GNG11: variants seen among roughly 807,000 people sequenced by gnomAD.
GNG11 encodes G protein subunit gamma 11.
GNG11 carries 6 observed loss-of-function variants against 7.4 expected under a neutral mutation model. The ratio of observed to expected loss-of-function variants is 0.81; its 90% CI spans 0.44 to 1.60. The LOEUF (loss-of-function observed/expected upper bound fraction) is 1.60, where lower values mean the gene tolerates loss of function less well. Ranked by LOEUF, GNG11 falls within the 40% of genes most tolerant of loss-of-function variation. The pLI, the probability that GNG11 is intolerant of heterozygous loss-of-function variation, is 0.01. For missense variants in GNG11, 65 were observed against 83.0 expected, an observed-to-expected ratio of 0.78 and a Z score of 0.84; for synonymous variants, 31 against 25.9, an observed-to-expected ratio of 1.20 and a Z score of -0.60.
intron 1 of GNG11, among the ~76,000 whole-genome samples, chr7:93,924,935 C>T (rs1044990723): frequency 3.3e-5 from 5 of 152,160 alleles, no homozygotes; most frequent in African/African-American, 9.7e-5. Context: ...GAGGCCAAGG[C>T]GGGCGGATCA....
chr7:93,922,630 T>C (rs1794631577), intron 1 of GNG11, among the ~76,000 whole-genome samples: 1 of 152,210 alleles, frequency 6.6e-6, no homozygotes, highest in Non-Finnish European at 1.5e-5. Context: ...AAAACCGTAT[T>C]TTAAAGTCTT....
Position 93,922,181 on chromosome 7 carries a change from T to A in GNG11, c.44T>A (p.Leu15Gln). 6.3e-7 allele frequency: 1 copy of A among 1,597,820 alleles called. No homozygotes were observed. Among genetic ancestry groups the A allele is most frequent in the Non-Finnish European group, 8.6e-7 (1 of 1,169,074 alleles). The change falls in exon 1 of 2, where the codon CTG becomes CAG. Residue 15 changes from leucine to glutamine, a missense_variant. Coordinates refer to ENST00000248564, the MANE Select transcript of GNG11 (RefSeq NM_004126.4). ...GAAGATTTGCCAGAGAAGGAAAAAC[T>A]GAAAATGGAAGTTGAGCAGCTTCGC... is the stretch of plus-strand genomic sequence containing the variant. ...HIEDLPEKEKLKMEVEQLRKE... is the reference protein window; with the variant it reads ...HIEDLPEKEKQKMEVEQLRKE...
At chr7:93,924,674 C>G (rs1180526721) in intron 1 of GNG11, among the ~76,000 whole-genome samples, 1 of 152,096 alleles carries the variant, frequency 6.6e-6, no homozygotes, top group African/African-American at 2.4e-5. Flanking sequence ...TTTATAATTT[C>G]CAGTTTATGT....
chr7:93,926,458 C>A lies in GNG11; in HGVS notation c.*242C>A. On this transcript the variant is annotated 3_prime_UTR_variant, in exon 2 of 2. Transcript: ENST00000248564. The stretch of plus-strand genomic sequence containing the variant: ...TATGGAAATAAGAACATTACTTGAG[C>A]ATGACACTTCTTTCAGTATATTGCT... The A allele has an allele frequency of 3.8e-6, 1 of 265,988 alleles. No individual in the cohort carries two copies. The allele number at this position is 265,988 out of a possible 1,614,324, so 16.5% of individuals were successfully genotyped here. A position where few individuals can be genotyped will look rare whatever the true frequency, so the allele number is the denominator to read the frequency against.
At chr7:93,925,182 A>T (rs1297121181) in intron 1 of GNG11, among the ~76,000 whole-genome samples, 1 of 152,166 alleles carries the variant, frequency 6.6e-6, no homozygotes, top group East Asian at 1.9e-4. Flanking sequence ...ATAAATAATT[A>T]AATTAAATTA....
At chr7:93,924,890 C>T (rs560952791) in intron 1 of GNG11, among the ~76,000 whole-genome samples, 18 of 152,298 alleles carry the variant, frequency 1.2e-4, no homozygotes, top group African/African-American at 3.1e-4. Flanking sequence ...TGCGGCCTGG[C>T]GCGGTGTCCC....
At chr7:93,926,052 C>T in intron 1 of GNG11, 39 bp from the exon 2 acceptor site, 2 of 1,337,026 alleles carry the variant, frequency 1.5e-6, no homozygotes, top group Non-Finnish European at 2.0e-6. Context: ...GTTTAAACAA[C>T]CCTAACCTAA....
intron 1 of GNG11, among the ~76,000 whole-genome samples, chr7:93,924,858 G>A (rs1026199007): frequency 2.6e-5 from 4 of 152,152 alleles, no homozygotes; most frequent in Non-Finnish European, 5.9e-5. Context: ...AGTTTTCATA[G>A]GTCTCCATTT....
Position 93,922,113 on chromosome 7 carries a change from G to T in GNG11, c.-25G>T. 1 of 1,504,278 alleles carries T rather than the reference G, an allele frequency of 6.6e-7. No individual in the cohort carries two copies. Among genetic ancestry groups the T allele is most frequent in the Non-Finnish European group, 9.1e-7 (1 of 1,093,394 alleles). 93.2% of individuals were successfully genotyped at this position (1,504,278 alleles called of 1,614,324 possible). On this transcript the variant is annotated 5_prime_UTR_variant, in exon 1 of 2. Transcript: ENST00000248564. ...TCCAGCGGCTCCGCTGCCAGAGCTA[G>T]CCCGAGCCCGGTTCTGGGGCGAAAA... is the stretch of plus-strand genomic sequence containing the variant.
Position 93,928,205 on chromosome 7 carries a change from A to C in GNG11, c.*1989A>C, listed in dbSNP as rs1050583387. On this transcript the variant is annotated 3_prime_UTR_variant, in exon 2 of 2. Transcript: ENST00000248564. ...CTGATTTCTATTAGCACATTCAGCT[A>C]TCCATTTGTGTACACTCCCAAGTCC... The C allele has an allele frequency of 1.3e-5, 2 of 152,158 alleles. No homozygotes were observed. The highest frequency in any genetic ancestry group is 2.9e-5 in the Non-Finnish European group (2 of 68,036). The allele number at this position is 152,158 out of a possible 1,614,324, so 9.4% of individuals were successfully genotyped here.
intron 1 of GNG11, among the ~76,000 whole-genome samples, chr7:93,923,189 A>G (rs7785521): frequency 0.029 from 4,384 of 152,352 alleles, 198 homozygotes; most frequent in African/African-American, 0.1. Flanking sequence ...AAGAAAAACA[A>G]TGGAAATGAA....
Position 93,922,128 on chromosome 7 carries a change from T to G in GNG11, c.-10T>G. 1 of 1,576,644 alleles carries G rather than the reference T, an allele frequency of 6.3e-7. No individual in the cohort carries two copies. The highest frequency in any genetic ancestry group is 2.3e-5 in the East Asian group (1 of 44,000). The stretch of plus-strand genomic sequence containing the variant: ...GCCAGAGCTAGCCCGAGCCCGGTTC[T>G]GGGGCGAAAATGCCTGCCCTTCACA... On this transcript the variant is annotated 5_prime_UTR_variant, in exon 1 of 2. Transcript: ENST00000248564.
intron 1 of GNG11, among the ~76,000 whole-genome samples, chr7:93,923,238 T>C (rs985321133): frequency 1.3e-5 from 2 of 152,222 alleles, no homozygotes; most frequent in Non-Finnish European, 2.9e-5. Flanking sequence ...GTTCTAGTTA[T>C]AATAAATCTG....
rs536655000 is a variant in GNG11, at chr7:93,926,069, C to T, written c.97-22C>T. ...TTAAACAACCCTAACCTAATGTATT[C>T]TCTTTTTTTTCTATACTTAAGGTGT... is the stretch of plus-strand genomic sequence containing the variant. On this transcript the variant is annotated intron_variant, in intron 1 of 1. Coordinates refer to ENST00000248564, the MANE Select transcript of GNG11 (RefSeq NM_004126.4). The T allele has an allele frequency of 3.5e-6, 5 of 1,430,170 alleles. No homozygotes were observed. The African/African-American group carries it at 7.2e-5, about 21-fold the overall frequency. 88.6% of individuals were successfully genotyped at this position (1,430,170 alleles called of 1,614,324 possible).
intron 1 of GNG11, among the ~76,000 whole-genome samples, chr7:93,924,095 G>C (rs966359540): frequency 2.6e-5 from 4 of 152,052 alleles, no homozygotes; most frequent in African/African-American, 9.7e-5. Flanking sequence ...TAGTGATAGG[G>C]CAGGTACTAA....
At position 93,921,865 on chromosome 7, in the gene GNG11, C is replaced by T. The variant is rs530759972; in HGVS notation, c.-273C>T. 6.5e-4 allele frequency: 188 copies of T among 291,198 alleles called. 7 individuals carry two copies. The South Asian group carries it at 0.02, about 31-fold the overall frequency. The allele number at this position is 291,198 out of a possible 1,614,324, so 18.0% of individuals were successfully genotyped here. A position where few individuals can be genotyped will look rare whatever the true frequency, so the allele number is the denominator to read the frequency against. On this transcript the variant is annotated 5_prime_UTR_variant, in exon 1 of 2. Transcript: ENST00000248564. ...GCTTGGACCCAGTCTCAAACTTAAC[C>T]CTCATCTAGCACCCGGGCAGGCCTC...
At chr7:93,925,408 A>T (rs1009641057) in intron 1 of GNG11, among the ~76,000 whole-genome samples, 4 of 152,092 alleles carry the variant, frequency 2.6e-5, no homozygotes, top group African/African-American at 7.2e-5. Context: ...CTCAGAAAAA[A>T]ATTTATTCTC....
intron 1 of GNG11, among the ~76,000 whole-genome samples, chr7:93,925,129 A>C (rs528592426): frequency 1.3e-5 from 2 of 152,338 alleles, no homozygotes; most frequent in South Asian, 2.1e-4. Context: ...CTGCCACTGC[A>C]CTCCAGCCTG....
In GNG11 at chr7:93,922,238, G is replaced by A. The variant is rs1417369268; in HGVS notation, c.96+5G>A. 3.9e-6 allele frequency: 6 copies of A among 1,531,632 alleles called. No homozygotes were observed. The East Asian group carries it at 9.2e-5, about 24-fold the overall frequency. The allele number at this position is 1,531,632 out of a possible 1,614,324, so 94.9% of individuals were successfully genotyped here. ...GTGAAGTTGCAGAGACAACAAGTAAGTTGGCTGTTCCGGAATATTTCCTTC... is the reference window on the plus strand; with the variant it reads ...GTGAAGTTGCAGAGACAACAAGTAAATTGGCTGTTCCGGAATATTTCCTTC... On this transcript the variant is annotated splice_donor_5th_base_variant and intron_variant, in intron 1 of 1. Transcript: ENST00000248564.
Sources: allele counts gnomAD v4.1 joint callset (sites outside exome capture counted in the v4.1 genomes callset), GRCh38; gene constraint gnomAD v4.1.1; transcripts MANE v1.5; gene names NCBI Gene and HGNC (gene_info 2026-07-23, HGNC 2026-07-21).